The following IL1RAPL1 variants were observed in gnomAD, a reference collection of about 807,000 sequenced individuals.
IL1RAPL1 encodes interleukin 1 receptor accessory protein like 1.
A neutral mutation model predicts 48.4 loss-of-function variants in IL1RAPL1; 3 were observed. That is an observed-to-expected ratio of 0.06 (90% CI 0.03 to 0.16). The LOEUF is 0.16. Among genes scored for constraint, IL1RAPL1 ranks in the 10% least tolerant of loss-of-function variants. IL1RAPL1 has a pLI of 1.00. For missense variants in IL1RAPL1, 349 were observed against 530.6 expected, an observed-to-expected ratio of 0.66 and a Z score of 3.36; for synonymous variants, 185 against 187.7, an observed-to-expected ratio of 0.99 and a Z score of 0.12.
At chrX:28,828,791 G>A (rs1920988917) in intron 2 of IL1RAPL1, among the ~76,000 whole-genome samples, 1 of 111,832 alleles carries the variant, frequency 8.9e-6, no homozygotes, top group African/African-American at 3.2e-5. Context: ...GAGTCCTCCA[G>A]TTTTGTTCGG....
chrX:28,808,930 T>C (rs1936760872), intron 2 of IL1RAPL1, among the ~76,000 whole-genome samples: 2 of 110,971 alleles, frequency 1.8e-5, no homozygotes. Flanking sequence ...AATTATTCTC[T>C]CAATGGTTTA....
chrX:29,175,716 C>T (rs1159560902), intron 2 of IL1RAPL1, among the ~76,000 whole-genome samples: 1 of 107,057 alleles, frequency 9.3e-6, no homozygotes, highest in Non-Finnish European at 1.9e-5. Flanking sequence ...TGTGGTGGCA[C>T]TCACCTGTAA....
chrX:29,529,078 C>T (rs1028868696), intron 5 of IL1RAPL1, among the ~76,000 whole-genome samples: 1 of 109,872 alleles, frequency 9.1e-6, no homozygotes, highest in Non-Finnish European at 1.9e-5. Context: ...CAACACAAAT[C>T]GAGGTACATT....
intron 2 of IL1RAPL1, among the ~76,000 whole-genome samples, chrX:28,818,420 A>T (rs1401603154): frequency 1.8e-5 from 2 of 110,655 alleles, no homozygotes; most frequent in Non-Finnish European, 3.8e-5. Context: ...AAATGTAAGT[A>T]CTCTACATTG....
chrX:29,884,598 C>T (rs1302343354), intron 6 of IL1RAPL1, among the ~76,000 whole-genome samples: 1 of 111,369 alleles, frequency 9.0e-6, no homozygotes, highest in Non-Finnish European at 1.9e-5. Context: ...TATCTATATG[C>T]CAGTGCCTCC....
At chrX:28,864,467 C>A (rs1922029408) in intron 2 of IL1RAPL1, among the ~76,000 whole-genome samples, 2 of 111,600 alleles carry the variant, frequency 1.8e-5, no homozygotes, top group East Asian at 5.6e-4. Context: ...GAGAAATACT[C>A]TCATAAAAAC....
intron 2 of IL1RAPL1, among the ~76,000 whole-genome samples, chrX:29,029,710 A>G (rs1926572824): frequency 9.0e-6 from 1 of 111,581 alleles, no homozygotes; most frequent in Non-Finnish European, 1.9e-5. Flanking sequence ...CATTCTCTTG[A>G]CATTATCTTT....
At chrX:29,252,373 G>C (rs186929689) in intron 2 of IL1RAPL1, among the ~76,000 whole-genome samples, 1 of 113,881 alleles carries the variant, frequency 8.8e-6, no homozygotes, top group East Asian at 2.7e-4. Context: ...TTGATCACTA[G>C]ATTTCTCTAT....
chrX:28,609,342 A>G (rs865823651), intron 1 of IL1RAPL1, among the ~76,000 whole-genome samples: 1 of 111,167 alleles, frequency 9.0e-6, no homozygotes, highest in Non-Finnish European at 1.9e-5. Flanking sequence ...CCCCAAGATC[A>G]CTGTTGTTAT....
intron 3 of IL1RAPL1, among the ~76,000 whole-genome samples, chrX:29,329,402 G>A (rs1239792073): frequency 2.7e-5 from 3 of 111,647 alleles, no homozygotes; most frequent in Non-Finnish European, 3.8e-5. Context: ...GTGCACAAAC[G>A]TTCATAGCAT....
intron 6 of IL1RAPL1, among the ~76,000 whole-genome samples, chrX:29,811,831 A>T (rs1258243904): frequency 2.7e-5 from 3 of 112,108 alleles, no homozygotes; most frequent in Non-Finnish European, 5.6e-5. Flanking sequence ...GATAACCAAA[A>T]TCTTTATAAT....
chrX:29,115,169 G>A (rs1173167816), intron 2 of IL1RAPL1, among the ~76,000 whole-genome samples: 3 of 111,624 alleles, frequency 2.7e-5, no homozygotes, highest in African/African-American at 6.5e-5. Flanking sequence ...TGATTATATT[G>A]TATGGTATCA....
At chrX:29,335,685 C>T (rs769824971) in intron 3 of IL1RAPL1, among the ~76,000 whole-genome samples, 1 of 111,254 alleles carries the variant, frequency 9.0e-6, no homozygotes, top group Non-Finnish European at 1.9e-5. Context: ...ATAAGCAAGT[C>T]AGAATGCTTG....
At chrX:28,786,446 CAG>C (rs368610288) in intron 1 of IL1RAPL1, among the ~76,000 whole-genome samples, 1 of 111,621 alleles carries the variant, frequency 9.0e-6, no homozygotes, top group African/African-American at 3.3e-5. Flanking sequence ...GCCTGAACGA[CAG>C]AGAGAGACTC....
intron 6 of IL1RAPL1, among the ~76,000 whole-genome samples, chrX:29,740,328 C>A (rs1928168515): frequency 9.0e-6 from 1 of 110,964 alleles, no homozygotes; most frequent in African/African-American, 3.3e-5. Context: ...ACCCAGACAG[C>A]CATCCAGAAT....
At chrX:29,257,285 C>T (rs934234874) in intron 2 of IL1RAPL1, among the ~76,000 whole-genome samples, 1 of 111,042 alleles carries the variant, frequency 9.0e-6, no homozygotes, top group African/African-American at 3.3e-5. Context: ...CAAGTTTGCC[C>T]TAATGCATTA....
chrX:28,868,189 C>A (rs1045105275), intron 2 of IL1RAPL1, among the ~76,000 whole-genome samples: 3 of 111,124 alleles, frequency 2.7e-5, no homozygotes, highest in Non-Finnish European at 5.7e-5. Context: ...TATTTCTTAT[C>A]TTGCCTTTTT....
intron 1 of IL1RAPL1, among the ~76,000 whole-genome samples, chrX:28,757,010 G>A (rs1004524345): frequency 4.5e-5 from 5 of 112,045 alleles, no homozygotes; most frequent in African/African-American, 1.3e-4. Flanking sequence ...AATGAAAGAA[G>A]GTACTTTGCA....
At chrX:29,467,303 C>T (rs1310104693) in intron 5 of IL1RAPL1, among the ~76,000 whole-genome samples, 1 of 112,389 alleles carries the variant, frequency 8.9e-6, no homozygotes, top group Admixed American at 9.4e-5. Context: ...CCATGCCTTG[C>T]CTTAAAAGAA....
Sources: gnomAD v4.1 joint callset for allele counts (sites outside exome capture counted in the v4.1 genomes callset) on GRCh38, gnomAD v4.1.1 for gene constraint, MANE v1.5 for transcripts, NCBI Gene and HGNC (gene_info 2026-07-23, HGNC 2026-07-21) for gene names.